The following DYNC1I1 variants were observed in gnomAD, a reference collection of about 807,000 sequenced individuals.
DYNC1I1 encodes the protein cytoplasmic dynein 1 intermediate chain 1.
A neutral mutation model predicts 86.6 loss-of-function variants in DYNC1I1; 43 were observed. That is an observed-to-expected ratio of 0.50 (90% CI 0.39 to 0.64). The LOEUF (loss-of-function observed/expected upper bound fraction) is 0.64, where lower values mean the gene tolerates loss of function less well. Among genes scored for constraint, DYNC1I1 ranks in the 30% least tolerant of loss-of-function variants. DYNC1I1 has a pLI of 0.00. For missense variants in DYNC1I1, 604 were observed against 788.8 expected (o/e 0.77, Z 2.81); for synonymous variants, 262 against 283.7 (o/e 0.92, Z 0.77).
rs1788972244 is a variant in DYNC1I1, at chr7:96,039,518, C to T, written c.1509+97C>T. ...AGTTGTCCCTAAAGCCTCTTCCAGGCAACCTGGCATTGGGAATTCATATAC... is the reference window on the plus strand; with the variant it reads ...AGTTGTCCCTAAAGCCTCTTCCAGGTAACCTGGCATTGGGAATTCATATAC... On this transcript the variant is annotated intron_variant, in intron 14 of 16. Transcript: ENST00000447467. 4.0e-6 allele frequency: 6 copies of T among 1,496,366 alleles called. No homozygotes were observed. In the Middle Eastern group the frequency reaches 6.9e-4, roughly 173 times the overall value. The allele number at this position is 1,496,366 out of a possible 1,614,324, so 92.7% of individuals were successfully genotyped here.
chr7:95,812,234 A>T (rs902118773), intron 3 of DYNC1I1, among the ~76,000 whole-genome samples: 1 of 152,068 alleles, frequency 6.6e-6, no homozygotes, highest in African/African-American at 2.4e-5. Flanking sequence ...CATGATTGAA[A>T]CCAAATGGGA....
intron 16 of DYNC1I1, among the ~76,000 whole-genome samples, chr7:96,105,098 T>C (rs775835441): frequency 1.3e-5 from 2 of 152,010 alleles, no homozygotes; most frequent in Non-Finnish European, 2.9e-5. Context: ...GTAAATACTA[T>C]TGTTATTATT....
At chr7:96,019,812 A>C (rs1461117449) in intron 10 of DYNC1I1, among the ~76,000 whole-genome samples, 2 of 152,142 alleles carry the variant, frequency 1.3e-5, no homozygotes, top group Non-Finnish European at 2.9e-5. Context: ...AAATTATTGG[A>C]GAAAGATTTG....
In DYNC1I1 at chr7:95,823,990, TTTG is replaced by T. The variant is rs1307808521; in HGVS notation, c.315-4064_315-4062del. ...TATATATATATATATGTTTTGGTTT[TTTG>T]TTTTTTTTTTTTTTTTTGAGGCAGG... is the stretch of plus-strand genomic sequence containing the variant. On this transcript the variant is annotated intron_variant, in intron 4 of 16. Transcript: ENST00000447467. Among the ~76,000 whole-genome samples, 185 of 71,646 alleles carry T rather than the reference TTTG, an allele frequency of 2.6e-3. 4 individuals are homozygous for T. The highest frequency in any genetic ancestry group is 5.5e-3 in the South Asian group (14 of 2,526). 47.0% of individuals were successfully genotyped at this position (71,646 alleles called of 152,430 possible). A position where few individuals can be genotyped will look rare whatever the true frequency, so the allele number is the denominator to read the frequency against.
intron 5 of DYNC1I1, among the ~76,000 whole-genome samples, chr7:95,832,820 GT>G (rs1268233325): frequency 6.6e-6 from 1 of 152,078 alleles, no homozygotes; most frequent in Non-Finnish European, 1.5e-5. Flanking sequence ...GGGATTGTTT[GT>G]TTTTTTCTTG....
At chr7:95,987,890 A>T (rs572287886) in intron 9 of DYNC1I1, among the ~76,000 whole-genome samples, 1 of 152,214 alleles carries the variant, frequency 6.6e-6, no homozygotes, top group Non-Finnish European at 1.5e-5. Context: ...CCTAAAGCAG[A>T]ACTTTCATCA....
intron 5 of DYNC1I1, among the ~76,000 whole-genome samples, chr7:95,842,251 T>C (rs761316067): frequency 6.6e-6 from 1 of 152,192 alleles, no homozygotes; most frequent in Non-Finnish European, 1.5e-5. Flanking sequence ...GAGAGACAGC[T>C]AATGCCCAAA....
At chr7:95,954,176 A>C (rs916464367) in intron 6 of DYNC1I1, among the ~76,000 whole-genome samples, 3 of 151,656 alleles carry the variant, frequency 2.0e-5, no homozygotes, top group Non-Finnish European at 4.4e-5. Flanking sequence ...CAAAACAGGC[A>C]ATTCCGTGTT....
chr7:96,024,795 C>T (rs962711549), intron 10 of DYNC1I1, among the ~76,000 whole-genome samples: 3 of 152,078 alleles, frequency 2.0e-5, no homozygotes, highest in African/African-American at 7.2e-5. Context: ...ATGTTTTTTA[C>T]TTTTAACCAA....
rs192612318 is a variant in DYNC1I1 at position 95,842,269 on chromosome 7, C to T, written c.374+14153C>T. Among the ~76,000 whole-genome samples, 5 of 152,190 alleles carry T rather than the reference C, an allele frequency of 3.3e-5. No individual in the cohort carries two copies. In the East Asian group the frequency reaches 5.8e-4, roughly 18 times the overall value. ...AGACAGCTAATGCCCAAAGTTCTCT[C>T]GGCCCCTAGGAAGGGGCTTGATTAA... On this transcript the variant is annotated intron_variant, in intron 5 of 16. Coordinates refer to ENST00000447467, the MANE Select transcript of DYNC1I1 (RefSeq NM_001135556.2).
chr7:96,101,672 G>A (rs1272053639), downstream of DYNC1I1, among the ~76,000 whole-genome samples: 1 of 152,134 alleles, frequency 6.6e-6, no homozygotes, highest in Non-Finnish European at 1.5e-5. Context: ...TTAGGTCTAT[G>A]TACACACACA....
chr7:95,925,048 A>T (rs1054086361), intron 6 of DYNC1I1, among the ~76,000 whole-genome samples: 8 of 152,172 alleles, frequency 5.3e-5, no homozygotes, highest in African/African-American at 1.9e-4. Context: ...TTCTGTTGGT[A>T]TTCACAGAAA....
At chr7:95,773,595 AG>A (rs1793765805) in intron 1 of DYNC1I1, among the ~76,000 whole-genome samples, 1 of 152,186 alleles carries the variant, frequency 6.6e-6, no homozygotes, top group Non-Finnish European at 1.5e-5. Context: ...AACAACATGC[AG>A]AAGATGGAAT....
intron 16 of DYNC1I1, among the ~76,000 whole-genome samples, chr7:96,108,705 TACA>T (rs1791258374): frequency 2.6e-5 from 4 of 151,656 alleles, no homozygotes; most frequent in Non-Finnish European, 5.9e-5. Flanking sequence ...CTACTAAAAA[TACA>T]AAAATTAACC....
chr7:95,887,674 T>C (rs1223837287), intron 6 of DYNC1I1, among the ~76,000 whole-genome samples: 2 of 152,220 alleles, frequency 1.3e-5, no homozygotes, highest in Non-Finnish European at 2.9e-5. Flanking sequence ...ATTTCAAAGG[T>C]TGCAAAATAT....
At chr7:95,864,101 A>C (rs1461148571) in intron 5 of DYNC1I1, among the ~76,000 whole-genome samples, 2 of 152,220 alleles carry the variant, frequency 1.3e-5, no homozygotes, top group Admixed American at 6.5e-5. Context: ...ATCGTAGATC[A>C]TCCTTATATC....
At chr7:95,799,633 T>C (rs1375929912) in intron 1 of DYNC1I1, among the ~76,000 whole-genome samples, 1 of 151,794 alleles carries the variant, frequency 6.6e-6, no homozygotes, top group Non-Finnish European at 1.5e-5. Flanking sequence ...ACTTAATTTT[T>C]TAAAAAGTTT....
chr7:95,995,928 T>G lies in DYNC1I1; in HGVS notation c.844-20T>G, dbSNP rs1369741631. On this transcript the variant is annotated intron_variant, in intron 9 of 16. Coordinates refer to ENST00000447467, the MANE Select transcript of DYNC1I1 (RefSeq NM_001135556.2). ...GTTGTCATCTTAGCATAATTCATCC[T>G]TGTGACCTCTTCCATTTAGTACCCT... 8.3e-6 allele frequency: 13 copies of G among 1,572,932 alleles called. No individual in the cohort carries two copies. The highest frequency in any genetic ancestry group is 1.1e-5 in the Non-Finnish European group (13 of 1,165,480).
intron 6 of DYNC1I1, among the ~76,000 whole-genome samples, chr7:95,964,860 T>C (rs1792968554): frequency 6.6e-6 from 1 of 152,160 alleles, no homozygotes; most frequent in African/African-American, 2.4e-5. Context: ...GATGAATATT[T>C]GGATAAAGAG....
Sources: allele counts gnomAD v4.1 joint callset (sites outside exome capture counted in the v4.1 genomes callset), GRCh38; gene constraint gnomAD v4.1.1; transcripts MANE v1.5; gene names NCBI Gene and HGNC (gene_info 2026-07-23, HGNC 2026-07-21).